Variants in CHN2 observed in about 807,000 individuals in gnomAD.
The protein encoded by CHN2 is chimerin 2.
CHN2 carries 35 observed loss-of-function variants against 56.3 expected under a neutral mutation model. The observed-to-expected ratio is 0.62, with a 90% CI of 0.47 to 0.82. The LOEUF is 0.82. Among genes scored for constraint, CHN2 ranks in the 40% least tolerant of loss-of-function variants. The pLI is 0.00. For missense variants in CHN2, 491 were observed against 580.5 expected (o/e 0.85, Z 1.58); for synonymous variants, 210 against 212.8 (o/e 0.99, Z 0.12).
chr7:29,231,064 C>T (rs749401083), intron 1 of CHN2, among the ~76,000 whole-genome samples: 15 of 152,202 alleles, frequency 9.9e-5, no homozygotes, highest in Non-Finnish European at 1.9e-4. Context: ...GCATACCAGA[C>T]TGCATTGTGA....
At chr7:29,152,027 A>G (rs1330661013) in intron 2 of CHN2, among the ~76,000 whole-genome samples, 1 of 152,192 alleles carries the variant, frequency 6.6e-6, no homozygotes, top group Non-Finnish European at 1.5e-5. Flanking sequence ...GAATGGAAAT[A>G]GTGGTTAGTG....
intron 1 of CHN2, chr7:29,200,643 G>T (rs1784089523): frequency 6.6e-6 from 1 of 151,968 alleles, no homozygotes; most frequent in Non-Finnish European, 1.5e-5. Context: ...GAAGGAAGCT[G>T]GTATTCTGTC....
intron 1 of CHN2, among the ~76,000 whole-genome samples, chr7:29,289,559 A>G (rs1792421740): frequency 6.6e-6 from 1 of 152,148 alleles, no homozygotes; most frequent in Non-Finnish European, 1.5e-5. Flanking sequence ...ATAAGAGCAA[A>G]TTCTAGAACT....
intron 7 of CHN2, among the ~76,000 whole-genome samples, chr7:29,494,502 T>G (rs976175706): frequency 1.3e-5 from 2 of 152,144 alleles, no homozygotes; most frequent in Non-Finnish European, 2.9e-5. Context: ...AAGTGAATTA[T>G]GACATTTGGC....
At chr7:29,344,572 G>C (rs1361658269) in intron 1 of CHN2, among the ~76,000 whole-genome samples, 2 of 152,090 alleles carry the variant, frequency 1.3e-5, no homozygotes, top group African/African-American at 4.8e-5. Flanking sequence ...ACCTCAGCTT[G>C]TGTATCCTCC....
Position 29,508,864 on chromosome 7 carries a change from A to G in CHN2, c.1130-437A>G, listed in dbSNP as rs557426834. Among the ~76,000 whole-genome samples, 27 of 152,212 alleles carry G rather than the reference A, an allele frequency of 1.8e-4. No homozygotes were observed. The East Asian group carries it at 5.2e-3, about 29-fold the overall frequency. On this transcript the variant is annotated intron_variant, in intron 11 of 12. Coordinates refer to ENST00000222792, the MANE Select transcript of CHN2 (RefSeq NM_004067.4). The stretch of plus-strand genomic sequence containing the variant: ...ATGTCCTTGCCTTGTAAAATGTATT[A>G]GGTTGTAGAAGTCCGCCAGGGAAAG...
At chr7:29,276,922 C>T (rs1252945328) in intron 1 of CHN2, among the ~76,000 whole-genome samples, 1 of 152,178 alleles carries the variant, frequency 6.6e-6, no homozygotes, top group Non-Finnish European at 1.5e-5. Flanking sequence ...TGTTCTAACA[C>T]AAGCCTTAAA....
chr7:29,343,103 C>T (rs1797166627), intron 1 of CHN2, among the ~76,000 whole-genome samples: 1 of 152,168 alleles, frequency 6.6e-6, no homozygotes, highest in Non-Finnish European at 1.5e-5. Context: ...AGGCAGGGAG[C>T]TACTGGAAGG....
intron 1 of CHN2, among the ~76,000 whole-genome samples, chr7:29,247,719 T>C (rs1289281621): frequency 6.6e-6 from 1 of 152,250 alleles, no homozygotes; most frequent in Non-Finnish European, 1.5e-5. Context: ...ACCTTGGTGG[T>C]ATCACCGCCT....
chr7:29,422,187 A>G (rs569688256), intron 6 of CHN2, among the ~76,000 whole-genome samples: 1 of 152,314 alleles, frequency 6.6e-6, no homozygotes, highest in South Asian at 2.1e-4. Flanking sequence ...GTTAATTTTA[A>G]GGATGACTTT....
intron 6 of CHN2, among the ~76,000 whole-genome samples, chr7:29,435,762 C>T (rs887001923): frequency 1.3e-5 from 2 of 152,224 alleles, no homozygotes; most frequent in East Asian, 3.9e-4. Flanking sequence ...TTAAGAACCA[C>T]CAGTCTAGGA....
At position 29,409,654 on chromosome 7, in the gene CHN2, T is replaced by C. The variant is rs181941221; in HGVS notation, c.576+8826T>C. On this transcript the variant is annotated intron_variant, in intron 6 of 12. Coordinates refer to ENST00000222792, the MANE Select transcript of CHN2 (RefSeq NM_004067.4). ...AGCCTTTTCAGGTAAATGTGGGCTT[T>C]AAAATATATACTAGACCACAATTCA... is the stretch of plus-strand genomic sequence containing the variant. Among the ~76,000 whole-genome samples the C allele has an allele frequency of 8.1e-3, 1,227 of 152,326 alleles. 9 individuals carry two copies. The highest frequency in any genetic ancestry group is 0.014 in the Non-Finnish European group (936 of 68,020).
At chr7:29,402,185 G>A (rs148170273) in intron 6 of CHN2, among the ~76,000 whole-genome samples, 3 of 152,272 alleles carry the variant, frequency 2.0e-5, no homozygotes, top group Non-Finnish European at 2.9e-5. Context: ...GGAGGAGGGC[G>A]GGGTGGCACC....
intron 1 of CHN2, 166 bp downstream of exon 1, chr7:29,195,156 G>A: frequency 1.6e-6 from 1 of 615,006 alleles, no homozygotes; most frequent in Non-Finnish European, 2.6e-6. Flanking sequence ...GCACCTCGGT[G>A]CCCAGAGCAC....
At position 29,243,714 on chromosome 7, in the gene CHN2, A is replaced by G. The variant is rs539830227; in HGVS notation, c.49+48724A>G. On this transcript the variant is annotated intron_variant, in intron 1 of 12. Transcript: ENST00000222792. ...GACAAATTAGAAGAGACAGACAAGG[A>G]GAGTTTCACCAGCCTCAAGGCTACA... 2.0e-5 allele frequency among the ~76,000 whole-genome samples: 3 copies of G among 152,362 alleles called. No homozygotes were observed. In the East Asian group the frequency reaches 5.8e-4, roughly 29 times the overall value.
chr7:29,286,427 G>A (rs751292315), intron 1 of CHN2, among the ~76,000 whole-genome samples: 16 of 151,648 alleles, frequency 1.1e-4, no homozygotes, highest in Non-Finnish European at 1.9e-4. Context: ...GCAGGGAAAG[G>A]TGGGGTCTGC....
At chr7:29,287,539 A>T (rs1584966173) in intron 1 of CHN2, among the ~76,000 whole-genome samples, 1 of 152,280 alleles carries the variant, frequency 6.6e-6, no homozygotes, top group East Asian at 1.9e-4. Context: ...GAGTCATGTG[A>T]AATGCTGAGA....
intron 2 of CHN2, among the ~76,000 whole-genome samples, chr7:29,147,605 T>A (rs1792938353): frequency 6.6e-6 from 1 of 152,210 alleles, no homozygotes; most frequent in African/African-American, 2.4e-5. Flanking sequence ...GCACAAAGTA[T>A]GTGCTCAGTG....
chr7:29,171,211 A>G (rs1393414292), intron 2 of CHN2, among the ~76,000 whole-genome samples: 1 of 152,198 alleles, frequency 6.6e-6, no homozygotes, highest in African/African-American at 2.4e-5. Flanking sequence ...ACATGAAGGA[A>G]CAGCGCAGAC....
Sources: gnomAD v4.1 joint callset for allele counts (sites outside exome capture counted in the v4.1 genomes callset) on GRCh38, gnomAD v4.1.1 for gene constraint, MANE v1.5 for transcripts, NCBI Gene and HGNC (gene_info 2026-07-23, HGNC 2026-07-21) for gene names.